IQCM: variants seen among roughly 807,000 people sequenced by gnomAD.
IQCM encodes IQ domain-containing protein M.
Under a neutral mutation model 57.6 loss-of-function variants are expected in IQCM, and 45 were observed. The ratio of observed to expected loss-of-function variants is 0.78; its 90% CI spans 0.62 to 1.00. The LOEUF (loss-of-function observed/expected upper bound fraction) is 1.00, where lower values mean the gene tolerates loss of function less well. Ranked by LOEUF, IQCM falls within the 50% of genes least tolerant of loss-of-function variation. The pLI is 0.00. For synonymous variants in IQCM, 148 were observed against 158.9 expected, an observed-to-expected ratio of 0.93 and a Z score of 0.51; for missense variants, 468 against 511.6, an observed-to-expected ratio of 0.91 and a Z score of 0.82.
At chr4:149,512,598 G>T (rs771899842) in intron 12 of IQCM, among the ~76,000 whole-genome samples, 8 of 152,014 alleles carry the variant, frequency 5.3e-5, no homozygotes, top group Non-Finnish European at 1.0e-4. Context: ...ATTCTACTAA[G>T]CCAGAGGTAA....
chr4:149,513,793 C>T (rs1192723953), intron 12 of IQCM, among the ~76,000 whole-genome samples: 1 of 152,144 alleles, frequency 6.6e-6, no homozygotes, highest in Non-Finnish European at 1.5e-5. Context: ...CCAAAGGGAA[C>T]ATTGGTTGTT....
intron 12 of IQCM, among the ~76,000 whole-genome samples, chr4:149,506,896 A>T (rs977311019): frequency 6.6e-6 from 1 of 152,278 alleles, no homozygotes; most frequent in South Asian, 2.1e-4. Flanking sequence ...GCAATAGTGA[A>T]AGAATAAATG....
At chr4:149,577,818 C>A (rs1039132294) in intron 9 of IQCM, among the ~76,000 whole-genome samples, 3 of 151,758 alleles carry the variant, frequency 2.0e-5, no homozygotes, top group Admixed American at 1.3e-4. Context: ...TTGCTTCGGG[C>A]GGTATGGCCA....
At chr4:149,392,236 A>G (rs991789026) in intron 13 of IQCM, among the ~76,000 whole-genome samples, 2 of 151,958 alleles carry the variant, frequency 1.3e-5, no homozygotes, top group Non-Finnish European at 2.9e-5. Flanking sequence ...TTTGAAATCA[A>G]TGACTGAAAT....
intron 2 of IQCM, among the ~76,000 whole-genome samples, chr4:149,795,772 A>G (rs942353828): frequency 7.9e-5 from 12 of 151,912 alleles, no homozygotes; most frequent in Non-Finnish European, 2.9e-5. Context: ...GAACTGTGAG[A>G]CCCCCTTTCC....
intron 7 of IQCM, among the ~76,000 whole-genome samples, chr4:149,677,092 G>C (rs1023023388): frequency 2.6e-5 from 4 of 151,988 alleles, no homozygotes; most frequent in African/African-American, 9.7e-5. Flanking sequence ...CAAAATCACT[G>C]TTTTGACACT....
chr4:149,420,254 A>G (rs1734032407), intron 13 of IQCM, among the ~76,000 whole-genome samples: 1 of 152,164 alleles, frequency 6.6e-6, no homozygotes, highest in African/African-American at 2.4e-5. Context: ...AATGCCCATC[A>G]ATGATAGACT....
intron 12 of IQCM, among the ~76,000 whole-genome samples, chr4:149,518,260 C>T (rs1442409160): frequency 6.6e-6 from 1 of 152,130 alleles, no homozygotes; most frequent in East Asian, 1.9e-4. Flanking sequence ...ATGAAAATTT[C>T]ACAAGCCTCA....
intron 2 of IQCM, among the ~76,000 whole-genome samples, chr4:149,770,347 T>G (rs1770456840): frequency 6.6e-6 from 1 of 152,208 alleles, no homozygotes; most frequent in African/African-American, 2.4e-5. Flanking sequence ...GCTTCACTGG[T>G]GAACTCTACC....
At chr4:149,697,056 A>G (rs1228587845) in intron 5 of IQCM, among the ~76,000 whole-genome samples, 1 of 152,042 alleles carries the variant, frequency 6.6e-6, no homozygotes, top group Non-Finnish European at 1.5e-5. Context: ...TTTTAAAAAT[A>G]GAAATCTGAT....
chr4:149,719,199 C>T (rs1765237529), intron 5 of IQCM, among the ~76,000 whole-genome samples: 2 of 151,972 alleles, frequency 1.3e-5, no homozygotes, highest in African/African-American at 4.8e-5. Context: ...ACAAAATTAG[C>T]TGGGTGTGGT....
intron 7 of IQCM, among the ~76,000 whole-genome samples, chr4:149,630,687 T>C (rs1244719715): frequency 6.6e-6 from 1 of 152,196 alleles, no homozygotes; most frequent in Non-Finnish European, 1.5e-5. Flanking sequence ...AAAATGAAAA[T>C]TTGAAGACTT....
At chr4:149,420,961 C>T (rs1734079221) in intron 13 of IQCM, among the ~76,000 whole-genome samples, 1 of 152,006 alleles carries the variant, frequency 6.6e-6, no homozygotes, top group Admixed American at 6.6e-5. Context: ...GCCCATTAGA[C>T]AGACTGTCAG....
chr4:149,503,987 C>A (rs75953677), intron 12 of IQCM, among the ~76,000 whole-genome samples: 3,579 of 151,926 alleles, frequency 0.024, 122 homozygotes, highest in African/African-American at 0.081. Flanking sequence ...GCAAATCACC[C>A]AAATAGACCA....
chr4:149,506,595 A>G (rs780334604), intron 12 of IQCM, among the ~76,000 whole-genome samples: 16 of 152,198 alleles, frequency 1.1e-4, no homozygotes, highest in Admixed American at 3.3e-4. Flanking sequence ...AGAAAATAAT[A>G]AAAGGCTAGA....
rs1275991524 is a variant in IQCM, at chr4:149,646,670, C to T, written c.566-25426G>A. 3.3e-5 allele frequency among the ~76,000 whole-genome samples: 5 copies of T among 152,168 alleles called. No individual in the cohort carries two copies. In the East Asian group the frequency reaches 9.7e-4, roughly 29 times the overall value. On this transcript the variant is annotated intron_variant, in intron 7 of 13. Coordinates refer to ENST00000636793, the MANE Select transcript of IQCM (RefSeq NM_001363507.2). ...TCTTTGACTTTCAACTGGTATATTT[C>T]GTTCATTTATGTTCAATTAATAACT...
chr4:149,641,491 A>G (rs1758188783), intron 7 of IQCM, among the ~76,000 whole-genome samples: 1 of 152,160 alleles, frequency 6.6e-6, no homozygotes, highest in Non-Finnish European at 1.5e-5. Flanking sequence ...GCAATTAAAG[A>G]TCATGAAAAA....
chr4:149,564,417 T>C (rs1486979379), intron 9 of IQCM, among the ~76,000 whole-genome samples: 10 of 152,170 alleles, frequency 6.6e-5, no homozygotes, highest in Non-Finnish European at 1.3e-4. Context: ...CAGTCTGCAA[T>C]ACGGCTATGG....
At chr4:149,601,974 A>C (rs1469946089) in intron 8 of IQCM, among the ~76,000 whole-genome samples, 2 of 151,100 alleles carry the variant, frequency 1.3e-5, no homozygotes, top group Non-Finnish European at 2.9e-5. Flanking sequence ...GAATGGCGTG[A>C]ACCCGGGAGG....
Sources: allele counts gnomAD v4.1 joint callset (sites outside exome capture counted in the v4.1 genomes callset), GRCh38; gene constraint gnomAD v4.1.1; transcripts MANE v1.5; gene names NCBI Gene and HGNC (gene_info 2026-07-23, HGNC 2026-07-21).